The following MYO16 variants were observed in gnomAD, a reference collection of about 807,000 sequenced individuals.
The protein encoded by MYO16 is myosin XVI, also known as unconventional myosin-XVI.
MYO16 carries 94 observed loss-of-function variants against 205.3 expected under a neutral mutation model. That is an observed-to-expected ratio of 0.46 (90% CI 0.39 to 0.54). MYO16 has a LOEUF of 0.54. Among genes scored for constraint, MYO16 ranks in the 20% least tolerant of loss-of-function variants. MYO16 has a pLI of 0.00. For missense variants in MYO16, 2,315 were observed against 2,387.5 expected, an observed-to-expected ratio of 0.97 and a Z score of 0.63; for synonymous variants, 988 against 954.0, an observed-to-expected ratio of 1.04 and a Z score of -0.66.
At chr13:109,022,620 GTA>G (rs1206739100) in intron 23 of MYO16, among the ~76,000 whole-genome samples, 1 of 126,336 alleles carries the variant, frequency 7.9e-6, no homozygotes, top group Non-Finnish European at 1.6e-5. Context: ...ATAAACATAT[GTA>G]TATATATTAT....
At chr13:109,117,454 A>ATATG (rs1374610393) in intron 28 of MYO16, among the ~76,000 whole-genome samples, 2 of 142,020 alleles carry the variant, frequency 1.4e-5, no homozygotes, top group African/African-American at 5.1e-5. Context: ...ATATGTATAT[A>ATATG]TATGTATGTG....
chr13:108,775,572 C>G (rs974257526), intron 4 of MYO16, among the ~76,000 whole-genome samples: 1 of 151,964 alleles, frequency 6.6e-6, no homozygotes, highest in African/African-American at 2.4e-5. Flanking sequence ...GATTCCTAAC[C>G]TCGTGGGTCA....
At chr13:108,998,818 T>C (rs953268754) in intron 21 of MYO16, among the ~76,000 whole-genome samples, 6 of 152,208 alleles carry the variant, frequency 3.9e-5, no homozygotes, top group Non-Finnish European at 5.9e-5. Context: ...GGTCTCTCCA[T>C]GTTGGTCTCT....
rs1177808152 is a variant in MYO16, at chr13:108,914,213, G to A, written c.1925+4063G>A. On this transcript the variant is annotated intron_variant, in intron 16 of 34. Transcript: ENST00000457511. ...ATATCTACTATTGTTAATAATTACT[G>A]TATCTACTATTGTTAATATATGTAT... 2.0e-5 allele frequency among the ~76,000 whole-genome samples: 3 copies of A among 147,110 alleles called. No homozygotes were observed. In the East Asian group the frequency reaches 5.9e-4, roughly 29 times the overall value.
intron 23 of MYO16, among the ~76,000 whole-genome samples, chr13:109,023,660 TATATATGCAA>T (rs1886217031): frequency 1.0e-5 from 1 of 96,722 alleles, no homozygotes; most frequent in Non-Finnish European, 2.1e-5. Flanking sequence ...TGTATATATG[TATATATGCAA>T]ATATATGTAT....
intron 6 of MYO16, among the ~76,000 whole-genome samples, chr13:108,800,316 CTT>C (rs1445947923): frequency 6.6e-6 from 1 of 152,206 alleles, no homozygotes; most frequent in East Asian, 1.9e-4. Context: ...TACAGCCTCT[CTT>C]TGCCATAAAA....
intron 24 of MYO16, among the ~76,000 whole-genome samples, chr13:109,051,180 A>C (rs1887234861): frequency 6.6e-6 from 1 of 152,096 alleles, no homozygotes; most frequent in African/African-American, 2.4e-5. Context: ...CCAACATCAC[A>C]GGGCCCCTTT....
intron 24 of MYO16, chr13:109,049,031 G>C (rs1011309599): frequency 4.4e-5 from 3 of 67,648 alleles, no homozygotes; most frequent in Admixed American, 2.0e-4. Flanking sequence ...AAAATTTTAG[G>C]ATTTAGGAAA....
At chr13:108,931,216 C>T (rs771318383) in intron 16 of MYO16, among the ~76,000 whole-genome samples, 1 of 152,184 alleles carries the variant, frequency 6.6e-6, no homozygotes, top group Admixed American at 6.5e-5. Context: ...TGCTCTCAGG[C>T]ATTCCTGTCT....
At chr13:108,809,505 C>T (rs182591587) in intron 7 of MYO16, among the ~76,000 whole-genome samples, 90 of 152,172 alleles carry the variant, frequency 5.9e-4, no homozygotes, top group Admixed American at 2.2e-3. Context: ...GAATGTGAAG[C>T]GGGAACAGGC....
chr13:109,101,938 G>T (rs1014459726), intron 28 of MYO16: 3 of 152,090 alleles, frequency 2.0e-5, no homozygotes, highest in Non-Finnish European at 2.9e-5. Context: ...TCCAAAAGTG[G>T]CCCAGTCTAA....
intron 29 of MYO16, among the ~76,000 whole-genome samples, chr13:109,122,805 G>C (rs892876709): frequency 6.6e-6 from 1 of 151,776 alleles, no homozygotes; most frequent in Non-Finnish European, 1.5e-5. Flanking sequence ...TAAATGCAAA[G>C]CATTAATTAT....
chr13:108,523,451 A>G, the MYO16 span, among the ~76,000 whole-genome samples: 5 of 152,074 alleles, frequency 3.3e-5, no homozygotes, highest in African/African-American at 9.7e-5. Flanking sequence ...TCTTCCCTTT[A>G]TCATGCTTCC....
At chr13:108,687,655 G>A (rs1594209935) in intron 2 of MYO16, among the ~76,000 whole-genome samples, 1 of 152,166 alleles carries the variant, frequency 6.6e-6, no homozygotes, top group Admixed American at 6.5e-5. Context: ...TTTGAACAAC[G>A]CACTTAACCC....
chr13:108,667,775 GT>G (rs1881806099), intron 2 of MYO16, among the ~76,000 whole-genome samples: 1 of 152,156 alleles, frequency 6.6e-6, no homozygotes. Flanking sequence ...GCCAGGTATG[GT>G]GGCTCATACC....
At chr13:109,094,810 C>T (rs277845) in intron 27 of MYO16, among the ~76,000 whole-genome samples, 119,238 of 152,128 alleles carry the variant, frequency 0.78, 46,897 homozygotes, top group Middle Eastern at 0.87. Context: ...CATCCATGTC[C>T]CTGCAAAGGA....
At chr13:108,941,502 C>T (rs900058453) in intron 16 of MYO16, among the ~76,000 whole-genome samples, 6 of 151,828 alleles carry the variant, frequency 4.0e-5, no homozygotes, top group Admixed American at 2.0e-4. Context: ...CATGGTGAAA[C>T]CCCGTGTCTA....
intron 22 of MYO16, among the ~76,000 whole-genome samples, chr13:109,014,606 A>G (rs997186761): frequency 1.3e-5 from 2 of 152,258 alleles, no homozygotes; most frequent in Non-Finnish European, 2.9e-5. Flanking sequence ...GAGCATTGGA[A>G]TGTTCTTCCA....
intron 4 of MYO16, among the ~76,000 whole-genome samples, chr13:108,754,967 GAGAC>G (rs1202920707): frequency 6.6e-6 from 1 of 151,104 alleles, no homozygotes; most frequent in Non-Finnish European, 1.5e-5. Flanking sequence ...TATAGAGAGA[GAGAC>G]AGAGAGAGAG....
Sources: gnomAD v4.1 joint callset for allele counts (sites outside exome capture counted in the v4.1 genomes callset) on GRCh38, gnomAD v4.1.1 for gene constraint, MANE v1.5 for transcripts, NCBI Gene and HGNC (gene_info 2026-07-23, HGNC 2026-07-21) for gene names.